The following SEMA3C variants were observed in gnomAD, a reference collection of about 807,000 sequenced individuals.
The protein encoded by SEMA3C is semaphorin 3C.
SEMA3C carries 47 observed loss-of-function variants against 89.4 expected under a neutral mutation model. The observed-to-expected ratio is 0.53, with a 90% confidence interval of 0.42 to 0.67. The LOEUF (loss-of-function observed/expected upper bound fraction) is 0.67, where lower values mean the gene tolerates loss of function less well. SEMA3C is among the 30% of genes least tolerant of loss of function. The pLI is 0.00. For synonymous variants in SEMA3C, 310 were observed against 320.2 expected, an observed-to-expected ratio of 0.97 and a Z score of 0.34; for missense variants, 839 against 929.1, an observed-to-expected ratio of 0.90 and a Z score of 1.26.
chr7:80,807,030 G>C (rs1789357741), intron 6 of SEMA3C, among the ~76,000 whole-genome samples: 1 of 151,916 alleles, frequency 6.6e-6, no homozygotes, highest in African/African-American at 2.4e-5. Context: ...CTAGGCCCAG[G>C]GAAACAGATT....
At chr7:80,853,537 TCTCA>T (rs1790565693) in intron 2 of SEMA3C, among the ~76,000 whole-genome samples, 1 of 152,190 alleles carries the variant, frequency 6.6e-6, no homozygotes. Context: ...ACTTATGTGT[TCTCA>T]CTCATTTATG....
chr7:80,806,572 G>T (rs1789346753), intron 6 of SEMA3C, among the ~76,000 whole-genome samples: 1 of 152,002 alleles, frequency 6.6e-6, no homozygotes, highest in African/African-American at 2.4e-5. Flanking sequence ...AACAGAATCA[G>T]ATGTATTAAT....
intron 2 of SEMA3C, among the ~76,000 whole-genome samples, chr7:80,854,232 C>A (rs1039828348): frequency 1.3e-5 from 2 of 152,046 alleles, no homozygotes; most frequent in Admixed American, 6.6e-5. Flanking sequence ...TGACAAAAAG[C>A]CTTTTCAAGG....
At position 80,750,473 on chromosome 7, in the gene SEMA3C, TACACAC is replaced by T. The variant is rs56793292; in HGVS notation, c.1711+790_1711+795del. Among the ~76,000 whole-genome samples, 41 of 55,452 alleles carry T rather than the reference TACACAC, an allele frequency of 7.4e-4. 1 individual carries two copies. Among genetic ancestry groups the T allele is most frequent in the Middle Eastern group, 0.012 (1 of 86 alleles). 36.4% of individuals were successfully genotyped at this position (55,452 alleles called of 152,430 possible). ...ATATATATATATATATATATATATA[TACACAC>T]ACACACACACACACACACACACATA... On this transcript the variant is annotated intron_variant, in intron 16 of 17. Transcript: ENST00000265361.
At chr7:80,747,898 A>T (rs2117025366) in intron 17 of SEMA3C, among the ~76,000 whole-genome samples, 1 of 152,268 alleles carries the variant, frequency 6.6e-6, no homozygotes, top group African/African-American at 2.4e-5. Context: ...ACAGCTCCTA[A>T]GATCTTTGGG....
At chr7:80,797,443 C>T (rs1789090932) in intron 11 of SEMA3C, among the ~76,000 whole-genome samples, 1 of 152,112 alleles carries the variant, frequency 6.6e-6, no homozygotes, top group Non-Finnish European at 1.5e-5. Context: ...TAGCTACCAG[C>T]TTTAATAACA....
chr7:80,887,249 G>T (rs1165618534), intron 2 of SEMA3C, among the ~76,000 whole-genome samples: 1 of 152,070 alleles, frequency 6.6e-6, no homozygotes, highest in Non-Finnish European at 1.5e-5. Context: ...AACAGATTAT[G>T]CTCACCAATT....
chr7:80,856,298 T>C (rs1270640480), intron 2 of SEMA3C, among the ~76,000 whole-genome samples: 3 of 152,020 alleles, frequency 2.0e-5, no homozygotes, highest in African/African-American at 7.2e-5. Flanking sequence ...CATTCTCTTC[T>C]ACATGTAGCA....
chr7:80,884,724 A>T (rs545943450), intron 2 of SEMA3C, among the ~76,000 whole-genome samples: 1 of 152,322 alleles, frequency 6.6e-6, no homozygotes, highest in South Asian at 2.1e-4. Flanking sequence ...GTTCAGCAGA[A>T]ATAGTAAAGT....
intron 2 of SEMA3C, among the ~76,000 whole-genome samples, chr7:80,875,949 A>C: frequency 6.6e-6 from 1 of 152,318 alleles, no homozygotes; most frequent in South Asian, 2.1e-4. Context: ...GAAGTTAAAA[A>C]AAAAAATGTG....
At chr7:80,818,565 T>C (rs1299662803) in intron 4 of SEMA3C, 147 bp from the exon 5 acceptor site, 15 of 774,528 alleles carry the variant, frequency 1.9e-5, no homozygotes, top group Non-Finnish European at 2.5e-5. Context: ...TCCAATCTTT[T>C]GGCTTCCCTA....
At chr7:80,751,408 A>G (rs1787932557) in intron 15 of SEMA3C, 72 bp from the exon 16 acceptor site, 2 of 1,387,700 alleles carry the variant, frequency 1.4e-6, no homozygotes, top group Admixed American at 3.4e-5. Flanking sequence ...AAAACACTGT[A>G]ATTTTAAACT....
intron 12 of SEMA3C, among the ~76,000 whole-genome samples, chr7:80,773,103 T>C (rs1788470593): frequency 1.3e-5 from 2 of 152,186 alleles, no homozygotes; most frequent in Admixed American, 6.5e-5. Context: ...CTGCATTTAA[T>C]CAAAGAGAAA....
chr7:80,913,345 G>A (rs982886474), intron 2 of SEMA3C, among the ~76,000 whole-genome samples: 10 of 152,138 alleles, frequency 6.6e-5, no homozygotes, highest in Non-Finnish European at 1.3e-4. Flanking sequence ...AGGTTGCAGT[G>A]AGCCAAGATC....
intron 4 of SEMA3C, 144 bp downstream of exon 4, chr7:80,827,281 G>A (rs1388355073): frequency 4.0e-6 from 3 of 743,598 alleles, no homozygotes; most frequent in South Asian, 5.0e-5. Context: ...GTCTCCTCAA[G>A]GTTTAGGTTT....
intron 16 of SEMA3C, among the ~76,000 whole-genome samples, chr7:80,749,286 T>C (rs41486545): frequency 0.031 from 4,752 of 152,272 alleles, 189 homozygotes; most frequent in African/African-American, 0.091. Flanking sequence ...TCAAGAATTA[T>C]TCCACACCAA....
intron 2 of SEMA3C, among the ~76,000 whole-genome samples, chr7:80,872,923 GAAAAAA>G (rs758696880): frequency 1.3e-5 from 1 of 79,642 alleles, no homozygotes. Flanking sequence ...GAATGAGAGT[GAAAAAA>G]AAAAAAAAAA....
At chr7:80,807,946 G>T (rs959021216) in intron 6 of SEMA3C, among the ~76,000 whole-genome samples, 8 of 152,062 alleles carry the variant, frequency 5.3e-5, no homozygotes, top group African/African-American at 1.9e-4. Context: ...AAAGCTTTTT[G>T]TTCTTTTTAC....
chr7:80,758,341 T>A lies in SEMA3C; in HGVS notation c.1633A>T (p.Thr545Ser), dbSNP rs374474730. 6.2e-7 allele frequency: 1 copy of A among 1,612,916 alleles called. No homozygotes were observed. Among genetic ancestry groups the A allele is most frequent in the Non-Finnish European group, 8.5e-7 (1 of 1,179,590 alleles). Residue 545 changes from threonine to serine, a missense_variant, in exon 15 of 18, where the codon ACT (threonine) becomes TCT (serine). Transcript: ENST00000265361. ...DGHSCSRFYP[T>S]GKRRSRRQDV... is the part of the protein sequence containing the mutation. Reference sequence around the variant, plus strand: ...GTGTTTAGTGCTCACCGTTTCCCAGTTGGGTAGAATCTGGAACAGGAATGG... The same window carrying A: ...GTGTTTAGTGCTCACCGTTTCCCAGATGGGTAGAATCTGGAACAGGAATGG...
Sources: allele counts gnomAD v4.1 joint callset (sites outside exome capture counted in the v4.1 genomes callset), GRCh38; gene constraint gnomAD v4.1.1; transcripts MANE v1.5; gene names NCBI Gene and HGNC (gene_info 2026-07-23, HGNC 2026-07-21).